The following PCF11 variants were observed in gnomAD, a reference collection of about 807,000 sequenced individuals.
PCF11 encodes the protein PCF11 cleavage and polyadenylation factor subunit, also known as pre-mRNA cleavage complex 2 protein Pcf11.
Under a neutral mutation model 166.1 loss-of-function variants are expected in PCF11, and 19 were observed. That is an observed-to-expected ratio of 0.11 (90% confidence interval 0.08 to 0.17). The LOEUF (loss-of-function observed/expected upper bound fraction) is 0.17, where lower values mean the gene tolerates loss of function less well. Among genes scored for constraint, PCF11 ranks in the 10% least tolerant of loss-of-function variants. The probability of loss-of-function intolerance (pLI) is 1.00; values close to 1 mark genes in which losing one functional copy is unlikely to be tolerated. For synonymous variants in PCF11, 663 were observed against 644.1 expected, an observed-to-expected ratio of 1.03 and a Z score of -0.44; for missense variants, 1,565 against 1,855.5, an observed-to-expected ratio of 0.84 and a Z score of 2.88.
intron 11 of PCF11, chr11:83,180,258 T>C (rs1225095408): frequency 1.3e-5 from 2 of 152,164 alleles, no homozygotes; most frequent in Admixed American, 6.5e-5. Flanking sequence ...CAGCTAATTT[T>C]TGTATTTTTA....
intron 10 of PCF11, 111 bp downstream of exon 10, chr11:83,177,315 C>A: frequency 2.5e-6 from 2 of 802,096 alleles, no homozygotes; most frequent in South Asian, 3.1e-5. Flanking sequence ...TAATTGAATT[C>A]CTAGGTATAG....
chr11:83,166,842 T>A (rs1450047786), intron 5 of PCF11, 128 bp downstream of exon 5: 2 of 812,692 alleles, frequency 2.5e-6, no homozygotes, highest in Non-Finnish European at 3.9e-6. Context: ...CTTACATCTC[T>A]GTGGGTTAAA....
chr11:83,181,930 A>T (rs911788451), exon 13 of PCF11: 1 of 1,612,556 alleles, frequency 6.2e-7, no homozygotes, highest in Non-Finnish European at 8.5e-7. Flanking sequence ...GTGCATGAAG[A>T]AGTTGTGCTC....
chr11:83,162,535 C>T (rs184474261), intron 2 of PCF11, among the ~76,000 whole-genome samples: 150 of 152,324 alleles, frequency 9.8e-4, no homozygotes, highest in Non-Finnish European at 1.7e-3. Flanking sequence ...TAAGGAGAAG[C>T]TTAACCAACC....
exon 1 of PCF11, chr11:83,157,241 G>C (rs901342425): frequency 1.5e-5 from 9 of 596,008 alleles, no homozygotes; most frequent in Non-Finnish European, 2.7e-5. Flanking sequence ...GAAGTGGACG[G>C]AGATCACCCG....
chr11:83,179,661 T>G (rs547470459), intron 11 of PCF11, among the ~76,000 whole-genome samples: 1 of 152,244 alleles, frequency 6.6e-6, no homozygotes, highest in South Asian at 2.1e-4. Flanking sequence ...CCCAGCACTT[T>G]GGGAGGCTGA....
chr11:83,157,337 C>G, exon 1 of PCF11: 1 of 1,072,542 alleles, frequency 9.3e-7, no homozygotes, highest in Non-Finnish European at 1.3e-6. Context: ...AAGCCGGAGC[C>G]GCGAGAGAGC....
chr11:83,176,141 A>G (rs755520152), intron 9 of PCF11, among the ~76,000 whole-genome samples: 2 of 152,198 alleles, frequency 1.3e-5, no homozygotes, highest in Non-Finnish European at 2.9e-5. Context: ...TACTTAGAAG[A>G]TGAGGAAGAG....
chr11:83,178,485 A>T lies in PCF11; in HGVS notation c.3983+666A>T, dbSNP rs180767322. ...TGAGGTTCAGAAATGAGATTTTCAT[A>T]GTTCAGCATTTACAATTAAAAAAAA... On this transcript the variant is annotated intron_variant, in intron 11 of 15. Coordinates refer to ENST00000298281, the Ensembl canonical transcript of PCF11. Among the ~76,000 whole-genome samples the T allele has an allele frequency of 5.0e-3, 756 of 152,088 alleles. 5 individuals are homozygous for T. The highest frequency in any genetic ancestry group is 8.2e-3 in the Non-Finnish European group (558 of 67,990).
intron 9 of PCF11, among the ~76,000 whole-genome samples, chr11:83,176,137 GA>G (rs1289202701): frequency 6.6e-6 from 1 of 152,190 alleles, no homozygotes; most frequent in Non-Finnish European, 1.5e-5. Flanking sequence ...AGTGTACTTA[GA>G]AGATGAGGAA....
intron 12 of PCF11, among the ~76,000 whole-genome samples, 198 bp downstream of exon 12, chr11:83,181,389 T>G (rs1320338427): frequency 6.6e-6 from 1 of 151,372 alleles, no homozygotes; most frequent in Non-Finnish European, 1.5e-5. Context: ...AAAAAATGAA[T>G]TTTGAAGAGT....
At position 83,182,026 on chromosome 11, in the gene PCF11, T is replaced by TTG. The variant is rs1439348115; in HGVS notation, c.4323+17_4323+18insTG. On this transcript the variant is annotated intron_variant, in intron 13 of 15. Coordinates refer to ENST00000298281, the Ensembl canonical transcript of PCF11. ...GCAGTTGAGGTGAGAGAAGAACGTT[T>TTG]AAGTTTTCTCACAGTGGGAGTGTCC... is the stretch of plus-strand genomic sequence containing the variant. 1 of 1,587,120 alleles carries TTG rather than the reference T, an allele frequency of 6.3e-7. No individual in the cohort carries two copies. The highest frequency in any genetic ancestry group is 1.9e-5 in the Admixed American group (1 of 53,074).
In PCF11 at chr11:83,167,314, T is replaced by A. The variant is rs1860500499; in HGVS notation, c.2001+6T>A. 3 of 1,609,758 alleles carry A rather than the reference T, an allele frequency of 1.9e-6. No homozygotes were observed. Among genetic ancestry groups the A allele is most frequent in the Non-Finnish European group, 2.5e-6 (3 of 1,176,792 alleles). On this transcript the variant is annotated splice_donor_region_variant and intron_variant, in intron 6 of 15. Coordinates refer to ENST00000298281, the Ensembl canonical transcript of PCF11. The surrounding 1 kb of genome is among the most constrained non-coding windows in gnomAD (Gnocchi z 4.2). Reference sequence around the variant, plus strand: ...AAAGAGAATTACTTCAAAAGGTAGTTACTATGATTAATCCCATGTAGTCAT... The same window carrying A: ...AAAGAGAATTACTTCAAAAGGTAGTAACTATGATTAATCCCATGTAGTCAT...
chr11:83,163,641 GTAACT>G, intron 2 of PCF11, 33 bp from the exon 3 acceptor site: 1 of 760,388 alleles, frequency 1.3e-6, no homozygotes, highest in South Asian at 3.5e-5. Context: ...ATATTCTATA[GTAACT>G]TAACAAGCCA....
rs527883192 is a variant in PCF11, at chr11:83,163,883, A to G, written c.507+16A>G. ...AAATAAATCGGTAAGTTTTAATATG[A>G]ATAGTAAGTAACATACTTTTAAGTA... is the stretch of plus-strand genomic sequence containing the variant. On this transcript the variant is annotated intron_variant, in intron 3 of 15. Transcript: ENST00000298281. The G allele has an allele frequency of 2.3e-5, 27 of 1,150,620 alleles. No individual in the cohort carries two copies. The African/African-American group carries it at 3.5e-4, about 15-fold the overall frequency. The allele number at this position is 1,150,620 out of a possible 1,614,324, so 71.3% of individuals were successfully genotyped here.
rs537102338 is a variant in PCF11, at chr11:83,158,664, T to C, written c.192+1033T>C. ...ATTTTTCAAGCTTGTACTCACGGTTTAGTTTTTTCTAGTTGTTAGTGATTG... is the reference window on the plus strand; with the variant it reads ...ATTTTTCAAGCTTGTACTCACGGTTCAGTTTTTTCTAGTTGTTAGTGATTG... On this transcript the variant is annotated intron_variant, in intron 1 of 15. Transcript: ENST00000298281. 20 of 152,336 alleles carry C rather than the reference T, an allele frequency of 1.3e-4. 1 individual carries two copies. In the South Asian group the frequency reaches 4.1e-3, roughly 32 times the overall value. 9.4% of individuals were successfully genotyped at this position (152,336 alleles called of 1,614,324 possible). A position where few individuals can be genotyped will look rare whatever the true frequency, so the allele number is the denominator to read the frequency against.
chr11:83,186,318 A>T (rs1861289695), exon 16 of PCF11: 3 of 152,244 alleles, frequency 2.0e-5, no homozygotes, highest in Non-Finnish European at 2.9e-5. Context: ...TGAACAGCAA[A>T]TGTAAAGGCT....
At chr11:83,160,318 TAA>T (rs1860185422) in intron 1 of PCF11, among the ~76,000 whole-genome samples, 1 of 120,620 alleles carries the variant, frequency 8.3e-6, no homozygotes, top group Non-Finnish European at 1.7e-5. Flanking sequence ...GGGGATAACC[TAA>T]GTTTTTTTTT....
chr11:83,167,408 T>C lies in PCF11; in HGVS notation c.2002-7T>C. 1 of 1,587,670 alleles carries C rather than the reference T, an allele frequency of 6.3e-7. No homozygotes were observed. The highest frequency in any genetic ancestry group is 8.5e-7 in the Non-Finnish European group (1 of 1,170,496). ...ATATTTTATTTCCTTTTATCACCCC[T>C]ATACAGACGAGTGAACGTTTAGCAT... On this transcript the variant is annotated splice_region_variant and splice_polypyrimidine_tract_variant and intron_variant, in intron 6 of 15. Coordinates refer to ENST00000298281, the Ensembl canonical transcript of PCF11. The surrounding 1 kb of genome is among the most constrained non-coding windows in gnomAD (Gnocchi z 4.2).
Sources: allele counts gnomAD v4.1 joint callset (sites outside exome capture counted in the v4.1 genomes callset), GRCh38; gene constraint gnomAD v4.1.1; non-coding constraint Gnocchi (gnomAD v3.1); transcripts MANE v1.5; gene names NCBI Gene and HGNC (gene_info 2026-07-23, HGNC 2026-07-21).